Variants in PHF23 observed in about 807,000 individuals in gnomAD.
The protein encoded by PHF23 is PDH-containing protein JUNE-1.
Under a neutral mutation model 36.0 loss-of-function variants are expected in PHF23, and 3 were observed. The ratio of observed to expected loss-of-function variants is 0.08; its 90% CI spans 0.04 to 0.22. The LOEUF is 0.22. PHF23 is among the 10% of genes least tolerant of loss of function. The pLI, the probability that PHF23 is intolerant of heterozygous loss-of-function variation, is 1.00. For missense variants in PHF23, 475 were observed against 513.6 expected (o/e 0.92, Z 0.73); for synonymous variants, 242 against 192.5 (o/e 1.26, Z -2.13).
At position 7,239,338 on chromosome 17, in the gene PHF23, C is replaced by T. The variant is rs111312071; in HGVS notation, c.-59G>A. On this transcript the variant is annotated 5_prime_UTR_variant, in exon 1 of 5. Transcript: ENST00000320316. ...CTCCCCGGAGCCGGGGATCCCGGTGCCGCCTCTAGTGCTCGATGCTCCCAC... is the reference window on the plus strand; with the variant it reads ...CTCCCCGGAGCCGGGGATCCCGGTGTCGCCTCTAGTGCTCGATGCTCCCAC... 23,448 of 864,974 alleles carry T rather than the reference C, an allele frequency of 0.027. 3,270 individuals carry two copies. In the African/African-American group the frequency reaches 0.32, roughly 12 times the overall value. The allele number at this position is 864,974 out of a possible 1,614,324, so 53.6% of individuals were successfully genotyped here.
Position 7,236,288 on chromosome 17 carries a change from A to C in PHF23, c.639T>G (p.Ser213=). The part of the protein sequence containing the change: ...RPTPGDGEKR[S]RIKKSKKRKL... ...TCCGCTTCTTGCTCTTCTTGATTCG[A>C]GATCTCTTTTCCCCATCCCCAGGAG... The change falls in exon 4 of 5, where the codon TCT becomes TCG. Residue 213 remains serine, a synonymous_variant. Coordinates refer to ENST00000320316, the MANE Select transcript of PHF23 (RefSeq NM_024297.3). The surrounding 1 kb of genome is among the most constrained non-coding windows in gnomAD (Gnocchi z 5.1). 4 of 1,613,716 alleles carry C rather than the reference A, an allele frequency of 2.5e-6. No homozygotes were observed. Among genetic ancestry groups the C allele is most frequent in the Middle Eastern group, 1.6e-4 (1 of 6,062 alleles).
Position 7,235,450 on chromosome 17 carries a change from T to G in PHF23, c.*176A>C. 1 of 655,014 alleles carries G rather than the reference T, an allele frequency of 1.5e-6. No individual in the cohort carries two copies. The allele number at this position is 655,014 out of a possible 1,614,324, so 40.6% of individuals were successfully genotyped here. A position where few individuals can be genotyped will look rare whatever the true frequency, so the allele number is the denominator to read the frequency against. On this transcript the variant is annotated 3_prime_UTR_variant, in exon 5 of 5. Coordinates refer to ENST00000320316, the MANE Select transcript of PHF23 (RefSeq NM_024297.3). The stretch of plus-strand genomic sequence containing the variant: ...TGGATTCAATTTCAAGTCCACAGAG[T>G]GGGGAGGAAGGATAGGGTGGGAAAG...
At position 7,237,559 on chromosome 17, in the gene PHF23, G is replaced by C. The variant is rs1597565011; in HGVS notation, c.66+70C>G. 3 of 1,604,002 alleles carry C rather than the reference G, an allele frequency of 1.9e-6. 1 individual carries two copies. The highest frequency in any genetic ancestry group is 3.3e-5 in the Admixed American group (2 of 59,948). On this transcript the variant is annotated intron_variant, in intron 2 of 4. Transcript: ENST00000320316. The stretch of plus-strand genomic sequence containing the variant: ...CCCAGAAACACAGTCCCTAAGTGAG[G>C]TCTAGAAAAGGGGGGCGGGGGGCGT...
Position 7,239,407 on chromosome 17 carries a change from C to G in PHF23, c.-128G>C, listed in dbSNP as rs2071748182. 2 of 508,460 alleles carry G rather than the reference C, an allele frequency of 3.9e-6. No homozygotes were observed. Among genetic ancestry groups the G allele is most frequent in the South Asian group, 2.3e-5 (1 of 44,292 alleles). 31.5% of individuals were successfully genotyped at this position (508,460 alleles called of 1,614,324 possible). A position where few individuals can be genotyped will look rare whatever the true frequency, so the allele number is the denominator to read the frequency against. On this transcript the variant is annotated 5_prime_UTR_variant, in exon 1 of 5. Transcript: ENST00000320316. ...TGTCCGCCTCAGCCCGGTTGAGACT[C>G]GAGTCCGCTAGCCGCTGCCGCCACC... is the stretch of plus-strand genomic sequence containing the variant.
At chr17:7,240,708 G>T, upstream of PHF23, 1 of 644,240 alleles carries the variant, frequency 1.6e-6, no homozygotes, top group Non-Finnish European at 2.8e-6. Flanking sequence ...CCTAAGAGAG[G>T]CTGGAGAGAA....
At chr17:7,237,867 G>C (rs1567582825) in intron 1 of PHF23, 2 of 599,778 alleles carry the variant, frequency 3.3e-6, no homozygotes, top group Admixed American at 3.0e-5. Context: ...CTGAGGCCTC[G>C]CTATAGCGCT....
At chr17:7,238,827 G>C in intron 1 of PHF23, 2 of 1,532,550 alleles carry the variant, frequency 1.3e-6, no homozygotes, top group South Asian at 1.2e-5. Flanking sequence ...GCAACTACTC[G>C]GAGCTCCGGT....
chr17:7,238,821 C>CCGAG, intron 1 of PHF23: 1 of 1,534,146 alleles, frequency 6.5e-7, no homozygotes, highest in East Asian at 2.5e-5. Context: ...CCGGCGGCAA[C>CCGAG]TACTCGGAGC....
intron 1 of PHF23, chr17:7,238,702 C>G (rs1364047629): frequency 8.4e-7 from 1 of 1,189,530 alleles, no homozygotes; most frequent in African/African-American, 1.9e-5. Flanking sequence ...CTGGCTCGCT[C>G]TCTCCACAAC....
At chr17:7,237,937 T>A (rs1187354167) in intron 1 of PHF23, 1 of 418,940 alleles carries the variant, frequency 2.4e-6, no homozygotes, top group Non-Finnish European at 4.1e-6. Context: ...CTCTCTCGAC[T>A]CCAGTCTACT....
chr17:7,236,229 G>A lies in PHF23; in HGVS notation c.698C>T (p.Pro233Leu). 1.2e-6 allele frequency: 2 copies of A among 1,613,362 alleles called. No individual in the cohort carries two copies. The highest frequency in any genetic ancestry group is 2.2e-5 in the South Asian group (2 of 90,966). The change falls in exon 4 of 5, where the codon CCA becomes CTA. Residue 233 changes from proline (P) to leucine (L), a missense_variant. Pro to Leu is a moderately conservative substitution (Grantham distance 98, BLOSUM62 -3). Around this residue, in one of 5 missense-constraint regions of PHF23, gnomAD observed 350 missense variants for 319.8 expected, o/e 1.09. Coordinates refer to ENST00000320316, the MANE Select transcript of PHF23 (RefSeq NM_024297.3). This position sits in a 1 kb window ranked among gnomAD's most constrained non-coding sequence, Gnocchi z 5.1. Reference protein sequence around the residue: ...LKKAERGDRLPPPGPPQAPPS... With the variant: ...LKKAERGDRLLPPGPPQAPPS... ...GGGTGCCTGGGGAGGCCCAGGAGGTGGGAGTCTATCCCCCCGTTCTGCCTT... is the reference window on the plus strand; with the variant it reads ...GGGTGCCTGGGGAGGCCCAGGAGGTAGGAGTCTATCCCCCCGTTCTGCCTT...
rs757638319 is a variant in PHF23, at chr17:7,236,788, A to T, written c.160-21T>A. On this transcript the variant is annotated intron_variant, in intron 3 of 4. Transcript: ENST00000320316. This position sits in a 1 kb window ranked among gnomAD's most constrained non-coding sequence, Gnocchi z 5.1. ...CTTTCCTTAAAAGGGGGAAGAGACC[A>T]GGGTCAGCAGAACCCCAGTGTCATC... The T allele has an allele frequency of 1.8e-5, 29 of 1,589,338 alleles. 1 individual carries two copies. The Middle Eastern group carries it at 1.8e-3, about 97-fold the overall frequency.
intron 4 of PHF23, 27 bp downstream of exon 4, chr17:7,235,903 C>T: frequency 6.2e-7 from 1 of 1,612,244 alleles, no homozygotes; most frequent in Non-Finnish European, 8.5e-7. Context: ...CACCCTCAAA[C>T]CCCTCGCCCC....
Position 7,236,082 on chromosome 17 carries a change from G to C in PHF23, c.845C>G (p.Pro282Arg). 1.2e-6 allele frequency: 2 copies of C among 1,613,652 alleles called. No homozygotes were observed. Among genetic ancestry groups the C allele is most frequent in the Non-Finnish European group, 1.7e-6 (2 of 1,179,776 alleles). Residue 282 changes from proline (P) to arginine (R), a missense_variant, in exon 4 of 5, where the codon CCT (proline) becomes CGT (arginine). By Grantham distance (103) the Pro-to-Arg change is moderately radical. Around this residue, in one of 5 missense-constraint regions of PHF23, gnomAD observed 350 missense variants for 319.8 expected, o/e 1.09. Transcript: ENST00000320316. The surrounding 1 kb of genome is among the most constrained non-coding windows in gnomAD (Gnocchi z 5.1). ...VPVLPTPPEA[P>R]RPPATVHPEG... ...AGGGTGCACTGTGGCAGGGGGCCTA[G>C]GAGCCTCAGGGGGTGTTGGCAGCAC...
Position 7,235,482 on chromosome 17 carries a change from A to T in PHF23, c.*144T>A. The T allele has an allele frequency of 1.2e-6, 1 of 811,134 alleles. No individual in the cohort carries two copies. The highest frequency in any genetic ancestry group is 1.6e-5 in the South Asian group (1 of 61,902). The allele number at this position is 811,134 out of a possible 1,614,324, so 50.2% of individuals were successfully genotyped here. On this transcript the variant is annotated 3_prime_UTR_variant, in exon 5 of 5. Transcript: ENST00000320316. The stretch of plus-strand genomic sequence containing the variant: ...GAAGGATAGGGTGGGAAAGTGAGAC[A>T]CTCATTTTCAAACAAGTCTCCCTTG...
At chr17:7,239,535 T>G, upstream of PHF23, 9 of 346,452 alleles carry the variant, frequency 2.6e-5, no homozygotes, top group East Asian at 1.2e-4. Flanking sequence ...CTCTCCTCCC[T>G]CCCTCCTCTT....
chr17:7,239,030 C>A, intron 1 of PHF23: 1 of 1,399,948 alleles, frequency 7.1e-7, no homozygotes. Flanking sequence ...ATCCCCCGCA[C>A]CCCCACACCG....
At chr17:7,240,745 C>T (rs2071767179), upstream of PHF23, 2 of 746,864 alleles carry the variant, frequency 2.7e-6, no homozygotes, top group Admixed American at 4.1e-5. Flanking sequence ...AAGTGCCGGT[C>T]CTGAATAAGG....
chr17:7,238,531 G>A, intron 1 of PHF23: 2 of 1,020,288 alleles, frequency 2.0e-6, no homozygotes, highest in Non-Finnish European at 2.3e-6. Flanking sequence ...TCTCTCCACA[G>A]CAGCCACCGC....
Sources: gnomAD v4.1 joint callset for allele counts on GRCh38, gnomAD v4.1.1 for gene constraint, gnomAD v4.1.1 regional missense constraint, Gnocchi (gnomAD v3.1) non-coding constraint, MANE v1.5 for transcripts, NCBI Gene and HGNC (gene_info 2026-07-23, HGNC 2026-07-21) for gene names.